Variants in SEZ6L observed in about 807,000 individuals in gnomAD.
SEZ6L encodes the protein seizure related 6 homolog like.
In SEZ6L, 37 loss-of-function variants were observed where a neutral mutation model predicts 106.2. The observed-to-expected ratio is 0.35, with a 90% CI of 0.27 to 0.46. The LOEUF (loss-of-function observed/expected upper bound fraction) is 0.46. Among genes scored for constraint, SEZ6L ranks in the 20% least tolerant of loss-of-function variants. The probability of loss-of-function intolerance (pLI) is 1.00; values close to 1 mark genes in which losing one functional copy is unlikely to be tolerated. For synonymous variants in SEZ6L, 541 were observed against 570.4 expected (o/e 0.95, Z 0.73); for missense variants, 1,172 against 1,332.8 (o/e 0.88, Z 1.88).
At chr22:26,272,733 G>A (rs1227752781) in intron 1 of SEZ6L, among the ~76,000 whole-genome samples, 1 of 152,172 alleles carries the variant, frequency 6.6e-6, no homozygotes, top group Non-Finnish European at 1.5e-5. Flanking sequence ...ATGAATTCAT[G>A]AGTGAATTCA....
chr22:26,246,577 A>G (rs1008712069), intron 1 of SEZ6L, among the ~76,000 whole-genome samples: 2 of 152,126 alleles, frequency 1.3e-5, no homozygotes, highest in African/African-American at 4.8e-5. Flanking sequence ...CAAAGGAAAA[A>G]AAAAAGGTAT....
intron 9 of SEZ6L, among the ~76,000 whole-genome samples, chr22:26,318,913 C>G (rs2082079304): frequency 1.3e-5 from 2 of 152,168 alleles, no homozygotes; most frequent in South Asian, 4.1e-4. Context: ...TATTCTGGCC[C>G]AGTGGAGTGC....
chr22:26,356,610 C>G (rs1464255764), intron 12 of SEZ6L, among the ~76,000 whole-genome samples: 1 of 150,886 alleles, frequency 6.6e-6, no homozygotes, highest in African/African-American at 2.4e-5. Flanking sequence ...CCACTGCACT[C>G]CAGGCTGGGA....
chr22:26,340,378 G>T (rs1036708701), intron 9 of SEZ6L, 58 bp from the exon 10 acceptor site: 3 of 1,492,194 alleles, frequency 2.0e-6, no homozygotes, highest in African/African-American at 2.8e-5. Context: ...TTAATCAAGG[G>T]TTTATTGAAT....
intron 13 of SEZ6L, among the ~76,000 whole-genome samples, chr22:26,369,148 C>T (rs1380991520): frequency 6.6e-6 from 1 of 151,806 alleles, no homozygotes. Flanking sequence ...TAAACGGAGT[C>T]CTGAGCCCTT....
At chr22:26,276,047 T>G (rs1051690219) in intron 1 of SEZ6L, among the ~76,000 whole-genome samples, 2 of 152,208 alleles carry the variant, frequency 1.3e-5, no homozygotes, top group Non-Finnish European at 2.9e-5. Flanking sequence ...ACTTACCAGC[T>G]GTGACACCTC....
intron 1 of SEZ6L, among the ~76,000 whole-genome samples, chr22:26,202,939 C>T (rs1180160623): frequency 6.6e-6 from 1 of 152,210 alleles, no homozygotes; most frequent in Non-Finnish European, 1.5e-5. Flanking sequence ...ATTTAGTTTT[C>T]AAATTTGTAA....
At chr22:26,202,410 T>G (rs7288552) in intron 1 of SEZ6L, among the ~76,000 whole-genome samples, 18 of 152,078 alleles carry the variant, frequency 1.2e-4, no homozygotes, top group African/African-American at 4.3e-4. Context: ...TTCTCATGGG[T>G]CTTCATAAAT....
chr22:26,347,998 T>G (rs1305892457), intron 11 of SEZ6L, 85 bp downstream of exon 11: 1 of 1,107,654 alleles, frequency 9.0e-7, no homozygotes, highest in East Asian at 2.8e-5. Flanking sequence ...GCAGTGGAGC[T>G]GTTTAATGTA....
In SEZ6L at chr22:26,310,833, G is replaced by C; in HGVS notation, c.1678G>C (p.Glu560Gln). The C allele has an allele frequency of 1.2e-6, 2 of 1,613,764 alleles. No homozygotes were observed. The highest frequency in any genetic ancestry group is 1.7e-6 in the Non-Finnish European group (2 of 1,179,942). ...RAASTFNIRF[E>Q]AFEKGHCYEP... The stretch of plus-strand genomic sequence containing the variant: ...GGCCTCCACCTTCAACATCCGATTT[G>C]AAGGTGAGGGTCCCTGGGAGCTTCC... Residue 560 changes from glutamate (E) to glutamine (Q), a missense_variant, in exon 7 of 17, where the codon GAA becomes CAA. Glu to Gln is a conservative substitution (Grantham distance 29). Transcript: ENST00000248933.
chr22:26,304,367 AAGAAGAAAGAAAGAAAGAAAG>A, intron 5 of SEZ6L, among the ~76,000 whole-genome samples: 1 of 86,678 alleles, frequency 1.2e-5, no homozygotes, highest in Non-Finnish European at 2.3e-5. Flanking sequence ...AAAAAAAAGA[AAGAAGAAAGAAAGAAAGAAAG>A]AAAGAAAGAA....
chr22:26,347,199 A>AATG (rs3071639), intron 10 of SEZ6L, among the ~76,000 whole-genome samples: 5,197 of 149,812 alleles, frequency 0.035, 150 homozygotes, highest in African/African-American at 0.076. Flanking sequence ...CTGTAAAAAT[A>AATG]ATGATGATGA....
At chr22:26,200,981 A>G (rs1305869516) in intron 1 of SEZ6L, among the ~76,000 whole-genome samples, 1 of 152,070 alleles carries the variant, frequency 6.6e-6, no homozygotes, top group East Asian at 1.9e-4. Context: ...ATCCCAGCCC[A>G]ATCCAAAGAC....
chr22:26,338,113 G>C (rs186546633), intron 9 of SEZ6L, among the ~76,000 whole-genome samples: 58 of 152,302 alleles, frequency 3.8e-4, no homozygotes, highest in African/African-American at 1.3e-3. Context: ...CAGGAACTCT[G>C]CTCAGGGCCA....
intron 1 of SEZ6L, among the ~76,000 whole-genome samples, chr22:26,271,300 A>T (rs1195724106): frequency 6.6e-6 from 1 of 152,250 alleles, no homozygotes; most frequent in Non-Finnish European, 1.5e-5. Context: ...GAACATTTGC[A>T]CTAAGTCTTT....
intron 1 of SEZ6L, among the ~76,000 whole-genome samples, chr22:26,211,283 C>T (rs922970134): frequency 1.1e-4 from 17 of 152,188 alleles, no homozygotes; most frequent in Non-Finnish European, 1.8e-4. Flanking sequence ...TCAGTCCTGC[C>T]GTTTAGTTGA....
intron 9 of SEZ6L, among the ~76,000 whole-genome samples, chr22:26,327,350 CATG>C (rs2082342219): frequency 2.1e-5 from 1 of 47,946 alleles, no homozygotes; most frequent in Non-Finnish European, 4.6e-5. Context: ...ACACCACACA[CATG>C]CCACACATGC....
At chr22:26,303,504 G>A (rs1162043250) in intron 5 of SEZ6L, among the ~76,000 whole-genome samples, 1 of 152,206 alleles carries the variant, frequency 6.6e-6, no homozygotes, top group Non-Finnish European at 1.5e-5. Context: ...AAATAAGACA[G>A]ACAGTGGAGT....
chr22:26,294,172 A>T, intron 2 of SEZ6L, 120 bp from the exon 3 acceptor site: 2 of 864,844 alleles, frequency 2.3e-6, no homozygotes, highest in Middle Eastern at 2.6e-4. Context: ...TTAACAGCAG[A>T]AGGACAGATG....
Sources: gnomAD v4.1 joint callset for allele counts (sites outside exome capture counted in the v4.1 genomes callset) on GRCh38, gnomAD v4.1.1 for gene constraint, MANE v1.5 for transcripts, NCBI Gene and HGNC (gene_info 2026-07-23, HGNC 2026-07-21) for gene names.